GFRA1: variants seen among roughly 807,000 people sequenced by gnomAD.
GFRA1 encodes the protein GDNF family receptor alpha-1.
GFRA1 carries 16 observed loss-of-function variants against 51.6 expected under a neutral mutation model. That is an observed-to-expected ratio of 0.31 (90% CI 0.21 to 0.47). GFRA1 has a LOEUF of 0.47. Ranked by LOEUF, GFRA1 falls within the 20% of genes least tolerant of loss-of-function variation. The pLI is 1.00. For synonymous variants in GFRA1, 270 were observed against 241.3 expected (o/e 1.12, Z -1.10); for missense variants, 530 against 594.3 (o/e 0.89, Z 1.13).
intron 5 of GFRA1, among the ~76,000 whole-genome samples, chr10:116,159,993 T>C (rs1959585259): frequency 6.6e-6 from 1 of 152,206 alleles, no homozygotes; most frequent in African/African-American, 2.4e-5. Flanking sequence ...TCACGTGAAA[T>C]TTACTTTTTC....
At chr10:116,171,862 A>C (rs139427219) in intron 5 of GFRA1, among the ~76,000 whole-genome samples, 1 of 152,326 alleles carries the variant, frequency 6.6e-6, no homozygotes, top group Non-Finnish European at 1.5e-5. Context: ...AGGAGTCCTC[A>C]TGAGAGGTCA....
At chr10:116,196,651 T>TATATA (rs564447876) in intron 5 of GFRA1, among the ~76,000 whole-genome samples, 159 of 3,636 alleles carry the variant, frequency 0.044, 21 homozygotes, top group African/African-American at 0.096. Context: ...ATATATAATA[T>TATATA]ATATATAGTA....
chr10:116,227,192 C>G (rs899320318), intron 4 of GFRA1, among the ~76,000 whole-genome samples: 8 of 152,104 alleles, frequency 5.3e-5, no homozygotes, highest in African/African-American at 1.9e-4. Context: ...ATGTCTGTAC[C>G]CAAAGAGAGG....
chr10:116,201,036 G>T (rs974064168), intron 5 of GFRA1, among the ~76,000 whole-genome samples: 1 of 152,182 alleles, frequency 6.6e-6, no homozygotes, highest in Non-Finnish European at 1.5e-5. Flanking sequence ...TCTGCTTAAA[G>T]AGCTGCAATG....
At chr10:116,162,724 G>A (rs1225652161) in intron 5 of GFRA1, among the ~76,000 whole-genome samples, 1 of 152,174 alleles carries the variant, frequency 6.6e-6, no homozygotes, top group Non-Finnish European at 1.5e-5. Context: ...TGTGATGGTT[G>A]CACAACCTTA....
Position 116,272,114 on chromosome 10 carries a change from GA to G in GFRA1, c.-86del. ...TTGCCGAGGGAGCTCAGCGTGCAGC[GA>G]TCCCCGGACAGCTGTGCTGCTCTGG... On this transcript the variant is annotated 5_prime_UTR_variant, in exon 2 of 11. It removes the in-frame stop codon of an upstream open reading frame in the 5' UTR. Transcript: ENST00000355422. This position sits in a 1 kb window ranked among gnomAD's most constrained non-coding sequence, Gnocchi z 4.4. 8.8e-7 allele frequency: 1 copy of G among 1,134,492 alleles called. No individual in the cohort carries two copies. Among genetic ancestry groups the G allele is most frequent in the Non-Finnish European group, 1.3e-6 (1 of 768,702 alleles). 70.3% of individuals were successfully genotyped at this position (1,134,492 alleles called of 1,614,324 possible).
intron 5 of GFRA1, among the ~76,000 whole-genome samples, chr10:116,147,434 G>A (rs191811969): frequency 6.6e-5 from 10 of 152,220 alleles, no homozygotes; most frequent in Middle Eastern, 3.4e-3. Flanking sequence ...CTAAAAACAC[G>A]CATGGTGATG....
At chr10:116,234,481 A>G (rs1458468709) in intron 4 of GFRA1, among the ~76,000 whole-genome samples, 5 of 152,224 alleles carry the variant, frequency 3.3e-5, no homozygotes, top group Non-Finnish European at 5.9e-5. Context: ...CACTCAAAGA[A>G]GGTCCATTCA....
intron 4 of GFRA1, among the ~76,000 whole-genome samples, chr10:116,237,717 T>C (rs1967002688): frequency 6.6e-6 from 1 of 152,160 alleles, no homozygotes; most frequent in Non-Finnish European, 1.5e-5. Context: ...TTTCAGCCAT[T>C]TGTCATCCTG....
intron 4 of GFRA1, among the ~76,000 whole-genome samples, chr10:116,268,745 A>C (rs1466723373): frequency 6.6e-6 from 1 of 152,226 alleles, no homozygotes; most frequent in Non-Finnish European, 1.5e-5. Flanking sequence ...AAATAAATAA[A>C]GACAACATTA....
intron 4 of GFRA1, among the ~76,000 whole-genome samples, chr10:116,237,238 T>C (rs1966941669): frequency 6.6e-6 from 1 of 152,220 alleles, no homozygotes; most frequent in Admixed American, 6.5e-5. Flanking sequence ...TTGAAGGTCT[T>C]TACATAGACA....
intron 7 of GFRA1, among the ~76,000 whole-genome samples, chr10:116,096,126 T>A (rs1956562065): frequency 6.6e-6 from 1 of 151,948 alleles, no homozygotes; most frequent in African/African-American, 2.4e-5. Context: ...GGAAAAAAAA[T>A]TTAGCCTAAA....
At chr10:116,196,305 T>C (rs1230714895) in intron 5 of GFRA1, among the ~76,000 whole-genome samples, 2 of 150,206 alleles carry the variant, frequency 1.3e-5, no homozygotes, top group East Asian at 2.0e-4. Context: ...CTGGCCAACA[T>C]AGTGAAACCT....
chr10:116,189,417 T>A (rs1338552668), intron 5 of GFRA1, among the ~76,000 whole-genome samples: 4 of 152,186 alleles, frequency 2.6e-5, no homozygotes, highest in African/African-American at 9.7e-5. Context: ...ATGTTTCTTT[T>A]CCCAAATGTC....
chr10:116,092,415 T>G (rs2133887402), intron 8 of GFRA1, among the ~76,000 whole-genome samples: 1 of 152,110 alleles, frequency 6.6e-6, no homozygotes, highest in Admixed American at 6.5e-5. Flanking sequence ...TGTGTGTGCG[T>G]GTGTGTGCGT....
At chr10:116,258,452 T>A (rs140018268) in intron 4 of GFRA1, among the ~76,000 whole-genome samples, 1 of 147,964 alleles carries the variant, frequency 6.8e-6, no homozygotes, top group East Asian at 1.9e-4. Flanking sequence ...ATATAATATA[T>A]AATGTATATA....
chr10:116,209,870 C>G (rs187479101), intron 5 of GFRA1, among the ~76,000 whole-genome samples: 2 of 151,978 alleles, frequency 1.3e-5, no homozygotes, highest in Non-Finnish European at 2.9e-5. Flanking sequence ...TGTCTCCATA[C>G]GAAATGGTCC....
chr10:116,225,195 A>C (rs1966191803), intron 4 of GFRA1, among the ~76,000 whole-genome samples: 1 of 152,190 alleles, frequency 6.6e-6, no homozygotes, highest in Non-Finnish European at 1.5e-5. Context: ...TCACCAAAAA[A>C]GGTAAAATTG....
At position 116,101,229 on chromosome 10, in the gene GFRA1, A is replaced by G. The variant is rs79917711; in HGVS notation, c.771-4465T>C. On this transcript the variant is annotated intron_variant, in intron 6 of 10. Transcript: ENST00000355422. The stretch of plus-strand genomic sequence containing the variant: ...TGGCTTCCCTGCCTGGGCTGCTGGG[A>G]TACAAACAAGAAAGCTTGAATGTCC... Among the ~76,000 whole-genome samples the G allele has an allele frequency of 3.3e-3, 509 of 152,340 alleles. 2 individuals carry two copies. The highest frequency in any genetic ancestry group is 0.012 in the African/African-American group (494 of 41,590).
Sources: allele counts gnomAD v4.1 joint callset (sites outside exome capture counted in the v4.1 genomes callset), GRCh38; gene constraint gnomAD v4.1.1; non-coding constraint Gnocchi (gnomAD v3.1); transcripts MANE v1.5; gene names NCBI Gene and HGNC (gene_info 2026-07-23, HGNC 2026-07-21).